Variants in MKRN2 observed in about 807,000 individuals in gnomAD.
MKRN2 encodes makorin ring finger protein 2.
Under a neutral mutation model 45.4 loss-of-function variants are expected in MKRN2, and 32 were observed. That is an observed-to-expected ratio of 0.70 (90% confidence interval 0.53 to 0.95). The LOEUF (loss-of-function observed/expected upper bound fraction) is 0.95, where lower values mean the gene tolerates loss of function less well. Among genes scored for constraint, MKRN2 ranks in the 40% least tolerant of loss-of-function variants. The pLI is 0.00. For missense variants in MKRN2, 526 were observed against 536.7 expected (o/e 0.98, Z 0.20); for synonymous variants, 206 against 192.4 (o/e 1.07, Z -0.59).
At chr3:12,581,099 G>C (rs377409519) in intron 6 of MKRN2, among the ~76,000 whole-genome samples, 2 of 152,126 alleles carry the variant, frequency 1.3e-5, no homozygotes, top group Non-Finnish European at 2.9e-5. Context: ...AGTTTCCTTG[G>C]GCAGGGTTCT....
intron 6 of MKRN2, 123 bp from the exon 7 acceptor site, chr3:12,581,685 C>A (rs368233024): frequency 9.5e-7 from 1 of 1,047,296 alleles, no homozygotes; most frequent in Non-Finnish European, 1.4e-6. Flanking sequence ...TCAGCTGCCC[C>A]ACCTAGAATG....
intron 1 of MKRN2, among the ~76,000 whole-genome samples, chr3:12,557,909 A>T (rs1374029477): frequency 6.6e-6 from 1 of 152,246 alleles, no homozygotes; most frequent in Non-Finnish European, 1.5e-5. Flanking sequence ...AAATAGCCAG[A>T]TAGCTACACT....
chr3:12,569,638 G>A lies in MKRN2; in HGVS notation c.156-433G>A, dbSNP rs3773338. ...TGCAGTGCAGTGGGAGATGATGGAA[G>A]TAGGCCCACGTTGGTCTTCCCCTGT... On this transcript the variant is annotated intron_variant, in intron 2 of 7. Transcript: ENST00000170447. Among the ~76,000 whole-genome samples the A allele has an allele frequency of 1.5e-4, 23 of 152,280 alleles. No homozygotes were observed. The East Asian group carries it at 4.2e-3, about 28-fold the overall frequency.
chr3:12,574,434 A>T (rs1208730012), intron 4 of MKRN2, among the ~76,000 whole-genome samples: 1 of 152,234 alleles, frequency 6.6e-6, no homozygotes, highest in Non-Finnish European at 1.5e-5. Context: ...CATGGCTCAG[A>T]GTCGGGGGAA....
chr3:12,574,340 G>A (rs2058117842), intron 4 of MKRN2, among the ~76,000 whole-genome samples: 1 of 152,192 alleles, frequency 6.6e-6, no homozygotes, highest in Admixed American at 6.5e-5. Context: ...TCATTTTCTT[G>A]GGGAGAAGTG....
intron 1 of MKRN2, among the ~76,000 whole-genome samples, chr3:12,560,089 C>G (rs770070139): frequency 9.2e-5 from 14 of 152,180 alleles, no homozygotes; most frequent in Non-Finnish European, 1.5e-4. Flanking sequence ...ATGGTAATGC[C>G]TAACCGGCAG....
rs77917472 is a variant in MKRN2 at position 12,571,990 on chromosome 3, A to G, written c.338-79A>G. ...GGAATTCTTAGGTCAGAGTAGCTTA[A>G]TATGTTAGGCTTTGGCTAACGGCAT... On this transcript the variant is annotated intron_variant, in intron 3 of 7. Coordinates refer to ENST00000170447, the MANE Select transcript of MKRN2 (RefSeq NM_014160.5). 1,371 of 1,397,690 alleles carry G rather than the reference A, an allele frequency of 9.8e-4. 13 individuals carry two copies. The African/African-American group carries it at 0.018, about 19-fold the overall frequency. The allele number at this position is 1,397,690 out of a possible 1,614,324, so 86.6% of individuals were successfully genotyped here. A position where few individuals can be genotyped will look rare whatever the true frequency, so the allele number is the denominator to read the frequency against.
chr3:12,567,336 A>G (rs1301108672), intron 1 of MKRN2, among the ~76,000 whole-genome samples: 3 of 151,972 alleles, frequency 2.0e-5, no homozygotes, highest in East Asian at 1.9e-4. Context: ...CAGTGGCACA[A>G]TCATGGCTAC....
rs1214312627 is a variant in MKRN2 at position 12,582,916 on chromosome 3, G to A, written c.*663G>A. Reference sequence around the variant, plus strand: ...TATAGATCTTCTTCTCCCTTAGGGAGGCTCTTGAAGGAGCAGGAGGTACAG... The same window carrying A: ...TATAGATCTTCTTCTCCCTTAGGGAAGCTCTTGAAGGAGCAGGAGGTACAG... On this transcript the variant is annotated 3_prime_UTR_variant, in exon 8 of 8. Transcript: ENST00000170447. The A allele has an allele frequency of 6.6e-6, 1 of 152,416 alleles. No individual in the cohort carries two copies. Among genetic ancestry groups the A allele is most frequent in the South Asian group, 2.1e-4 (1 of 4,830 alleles). 9.4% of individuals were successfully genotyped at this position (152,416 alleles called of 1,614,324 possible). A position where few individuals can be genotyped will look rare whatever the true frequency, so the allele number is the denominator to read the frequency against.
intron 2 of MKRN2, 128 bp from the exon 3 acceptor site, chr3:12,569,943 A>T: frequency 4.8e-6 from 4 of 834,586 alleles, no homozygotes; most frequent in Non-Finnish European, 7.3e-6. Context: ...GAGTTTAAAT[A>T]TTGGAAAAGA....
intron 1 of MKRN2, among the ~76,000 whole-genome samples, chr3:12,564,053 C>G (rs527519257): frequency 1.3e-5 from 2 of 152,024 alleles, no homozygotes; most frequent in Admixed American, 1.3e-4. Context: ...TCAAGTGATT[C>G]TCCTGCCTCG....
chr3:12,571,092 G>A (rs2058096121), intron 3 of MKRN2, among the ~76,000 whole-genome samples: 1 of 140,132 alleles, frequency 7.1e-6, no homozygotes, highest in African/African-American at 3.0e-5. Flanking sequence ...GCTACAAATT[G>A]TAAAAGTTTT....
At chr3:12,560,280 T>G (rs150333825) in intron 1 of MKRN2, among the ~76,000 whole-genome samples, 1 of 152,214 alleles carries the variant, frequency 6.6e-6, no homozygotes, top group East Asian at 1.9e-4. Flanking sequence ...AATAACTTGC[T>G]TAAGCTCACA....
At position 12,574,829 on chromosome 3, in the gene MKRN2, C is replaced by T. The variant is rs1429459065; in HGVS notation, c.680C>T (p.Ala227Val). 23 of 1,613,978 alleles carry T rather than the reference C, an allele frequency of 1.4e-5. No homozygotes were observed. Among genetic ancestry groups the T allele is most frequent in the East Asian group, 4.5e-5 (2 of 44,902 alleles). ...ACGTTCGAACACGAGATGGAAAAGG[C>T]CTTTGCCTTCCAGGCAAGCCAGGAC... ...MLTFEHEMEKAFAFQASQDKV... is the reference protein window; with the variant it reads ...MLTFEHEMEKVFAFQASQDKV... Residue 227 changes from alanine (A) to valine (V), a missense_variant, in exon 5 of 8, where the codon GCC becomes GTC. Coordinates refer to ENST00000170447, the MANE Select transcript of MKRN2 (RefSeq NM_014160.5).
chr3:12,570,311 G>C (rs2058090985), intron 3 of MKRN2, 59 bp downstream of exon 3: 1 of 1,529,250 alleles, frequency 6.5e-7, no homozygotes, highest in East Asian at 2.3e-5. Context: ...TTAATGCTTG[G>C]TGCTCCTTTC....
chr3:12,564,548 A>T (rs754546727), intron 1 of MKRN2, among the ~76,000 whole-genome samples: 8 of 152,148 alleles, frequency 5.3e-5, no homozygotes, highest in Non-Finnish European at 1.0e-4. Flanking sequence ...GCATCTGGTT[A>T]TGTCCCTTGT....
intron 6 of MKRN2, among the ~76,000 whole-genome samples, chr3:12,581,230 G>A (rs1402188868): frequency 6.6e-6 from 1 of 152,218 alleles, no homozygotes. Flanking sequence ...GTTCAGAGAA[G>A]GGGTCCAAAG....
Position 12,557,142 on chromosome 3 carries a change from C to T in MKRN2, c.-9C>T, listed in dbSNP as rs2057981442. On this transcript the variant is annotated 5_prime_UTR_variant, in exon 1 of 8. Transcript: ENST00000170447. ...GGCGGCACGACGACGGTCCCTCAGC[C>T]CAGCCACCATGAGCACCAAGCAGAT... 1.1e-5 allele frequency: 16 copies of T among 1,522,166 alleles called. No individual in the cohort carries two copies. The highest frequency in any genetic ancestry group is 1.4e-5 in the African/African-American group (1 of 69,824). The allele number at this position is 1,522,166 out of a possible 1,614,324, so 94.3% of individuals were successfully genotyped here.
Position 12,570,272 on chromosome 3 carries a change from T to C in MKRN2, c.337+20T>C. On this transcript the variant is annotated intron_variant, in intron 3 of 7. Coordinates refer to ENST00000170447, the MANE Select transcript of MKRN2 (RefSeq NM_014160.5). Reference sequence around the variant, plus strand: ...ACCGAAGTGAGTAAGCGGAAGCCTTTTGTTGCGTCTTTTTGCATAGCACTC... The same window carrying C: ...ACCGAAGTGAGTAAGCGGAAGCCTTCTGTTGCGTCTTTTTGCATAGCACTC... The C allele has an allele frequency of 6.2e-7, 1 of 1,604,840 alleles. No homozygotes were observed. The highest frequency in any genetic ancestry group is 8.5e-7 in the Non-Finnish European group (1 of 1,174,568).
Sources: allele counts gnomAD v4.1 joint callset (sites outside exome capture counted in the v4.1 genomes callset), GRCh38; gene constraint gnomAD v4.1.1; transcripts MANE v1.5; gene names NCBI Gene and HGNC (gene_info 2026-07-23, HGNC 2026-07-21).